CLPB: variants seen among roughly 807,000 people sequenced by gnomAD.
CLPB encodes ClpB family mitochondrial disaggregase, also known as mitochondrial disaggregase.
CLPB carries 40 observed loss-of-function variants against 78.4 expected under a neutral mutation model. The ratio of observed to expected loss-of-function variants is 0.51; its 90% CI spans 0.40 to 0.66. The LOEUF is 0.66. Ranked by LOEUF, CLPB falls within the 30% of genes least tolerant of loss-of-function variation. CLPB has a pLI of 0.00. For missense variants in CLPB, 780 were observed against 886.9 expected (o/e 0.88, Z 1.53); for synonymous variants, 333 against 348.0 (o/e 0.96, Z 0.48).
chr11:72,374,495 A>T (rs897166185), intron 4 of CLPB, among the ~76,000 whole-genome samples: 1 of 152,186 alleles, frequency 6.6e-6, no homozygotes, highest in Admixed American at 6.5e-5. Context: ...CAGGCCAACA[A>T]GATTTCCATA....
intron 5 of CLPB, among the ~76,000 whole-genome samples, chr11:72,353,535 C>A (rs895390074): frequency 6.6e-6 from 1 of 152,170 alleles, no homozygotes; most frequent in African/African-American, 2.4e-5. Context: ...CAAAAGAAAA[C>A]CTACAGTGGT....
chr11:72,322,648 G>T (rs1950064270), intron 6 of CLPB, among the ~76,000 whole-genome samples: 1 of 152,136 alleles, frequency 6.6e-6, no homozygotes, highest in Non-Finnish European at 1.5e-5. Flanking sequence ...ATAAATACAG[G>T]CTACTACAGG....
At chr11:72,351,294 A>C (rs1225867417) in intron 5 of CLPB, 1 of 152,186 alleles carries the variant, frequency 6.6e-6, no homozygotes. Flanking sequence ...TTTGTCCCAG[A>C]ATGTCTATAC....
rs550336772 is a variant in CLPB, at chr11:72,433,472, G to A, written c.403+600C>T. Among the ~76,000 whole-genome samples the A allele has an allele frequency of 9.2e-5, 14 of 151,880 alleles. No individual in the cohort carries two copies. The South Asian group carries it at 2.9e-3, about 32-fold the overall frequency. On this transcript the variant is annotated intron_variant, in intron 1 of 15. Transcript: ENST00000538039. ...GGAGAATAGCTTGAACCCGGGAGGCGGAGGTTGCAGTGGGCCGAGATTGCG... is the reference window on the plus strand; with the variant it reads ...GGAGAATAGCTTGAACCCGGGAGGCAGAGGTTGCAGTGGGCCGAGATTGCG...
chr11:72,386,025 A>G (rs1855065667), intron 3 of CLPB, among the ~76,000 whole-genome samples: 1 of 152,198 alleles, frequency 6.6e-6, no homozygotes, highest in African/African-American at 2.4e-5. Context: ...GCATTTTAAG[A>G]GTTTTATAAA....
chr11:72,392,448 G>A (rs1325340300), intron 3 of CLPB, among the ~76,000 whole-genome samples: 1 of 152,120 alleles, frequency 6.6e-6, no homozygotes, highest in Non-Finnish European at 1.5e-5. Context: ...CAAGTCCTGT[G>A]GCATGGGGAC....
chr11:72,301,461 G>A (rs1346522354), intron 11 of CLPB, among the ~76,000 whole-genome samples: 1 of 152,180 alleles, frequency 6.6e-6, no homozygotes, highest in South Asian at 2.1e-4. Context: ...CTAGAGATGG[G>A]CAGTGACTTG....
At position 72,289,414 on chromosome 11, in the gene CLPB, T is replaced by TAA; in HGVS notation, c.*3951_*3952dup. ...CACACAGGCTGGTTACTAGCTGACTTAACTAGAGCCTCTATGGGAAGTCTA... is the reference window on the plus strand; with the variant it reads ...CACACAGGCTGGTTACTAGCTGACTTAAAACTAGAGCCTCTATGGGAAGTCTA... On this transcript the variant is annotated 3_prime_UTR_variant, in exon 16 of 16. Transcript: ENST00000538039. 1 of 152,190 alleles carries TAA rather than the reference T, an allele frequency of 6.6e-6. No homozygotes were observed. Among genetic ancestry groups the TAA allele is most frequent in the Middle Eastern group, 3.4e-3 (1 of 294 alleles). The allele number at this position is 152,190 out of a possible 1,614,324, so 9.4% of individuals were successfully genotyped here.
intron 2 of CLPB, among the ~76,000 whole-genome samples, chr11:72,426,573 G>A (rs983163127): frequency 6.6e-6 from 1 of 152,166 alleles, no homozygotes; most frequent in African/African-American, 2.4e-5. Context: ...GAGGGAGGGA[G>A]GAAAGAGAAG....
At chr11:72,423,857 C>T (rs1410938106) in intron 2 of CLPB, among the ~76,000 whole-genome samples, 1 of 152,178 alleles carries the variant, frequency 6.6e-6, no homozygotes, top group East Asian at 1.9e-4. Flanking sequence ...GCCTTATTGG[C>T]CTTCTCTCAA....
At chr11:72,399,234 T>TAA (rs1442124854) in intron 3 of CLPB, among the ~76,000 whole-genome samples, 1 of 151,914 alleles carries the variant, frequency 6.6e-6, no homozygotes. Flanking sequence ...AACATATATA[T>TAA]AACAATCAAT....
At chr11:72,350,959 A>G (rs1171051549) in intron 5 of CLPB, among the ~76,000 whole-genome samples, 1 of 152,184 alleles carries the variant, frequency 6.6e-6, no homozygotes, top group Non-Finnish European at 1.5e-5. Context: ...TATTTTCATC[A>G]TCTCCAGAAG....
intron 4 of CLPB, among the ~76,000 whole-genome samples, chr11:72,379,492 C>T (rs17162133): frequency 0.026 from 3,940 of 152,274 alleles, 170 homozygotes; most frequent in African/African-American, 0.09. Flanking sequence ...CCAGACACAA[C>T]ATAGACTGAC....
intron 5 of CLPB, among the ~76,000 whole-genome samples, chr11:72,348,443 T>G (rs983437774): frequency 1.4e-4 from 21 of 152,186 alleles, no homozygotes; most frequent in Non-Finnish European, 4.4e-5. Flanking sequence ...CTACCAGGAC[T>G]CTAAATAATA....
At chr11:72,377,670 G>C (rs1488465563) in intron 4 of CLPB, among the ~76,000 whole-genome samples, 4 of 150,782 alleles carry the variant, frequency 2.7e-5, no homozygotes, top group African/African-American at 7.3e-5. Flanking sequence ...GAAGGGGAAG[G>C]GAAGGGGAAG....
At chr11:72,414,248 G>C (rs1246614531) in intron 2 of CLPB, among the ~76,000 whole-genome samples, 2 of 152,202 alleles carry the variant, frequency 1.3e-5, no homozygotes, top group South Asian at 2.1e-4. Context: ...CCCCTGCCCA[G>C]AGCTATTAAT....
At chr11:72,374,821 G>A (rs1289947297) in intron 4 of CLPB, among the ~76,000 whole-genome samples, 2 of 152,140 alleles carry the variant, frequency 1.3e-5, no homozygotes, top group South Asian at 2.1e-4. Context: ...CCTGAGTAAA[G>A]GACTTGTCCT....
At chr11:72,401,636 G>A (rs1198899071) in intron 3 of CLPB, among the ~76,000 whole-genome samples, 1 of 152,116 alleles carries the variant, frequency 6.6e-6, no homozygotes, top group Non-Finnish European at 1.5e-5. Flanking sequence ...TAAAATCCCA[G>A]TTACATTTGT....
At chr11:72,407,950 G>A in intron 2 of CLPB, 1 of 616,410 alleles carries the variant, frequency 1.6e-6, no homozygotes, top group Non-Finnish European at 2.8e-6. Flanking sequence ...CCCAGCCTCT[G>A]CCACCTACTA....
Sources: allele counts gnomAD v4.1 joint callset (sites outside exome capture counted in the v4.1 genomes callset), GRCh38; gene constraint gnomAD v4.1.1; transcripts MANE v1.5; gene names NCBI Gene and HGNC (gene_info 2026-07-23, HGNC 2026-07-21).